The following TCF4 variants were observed in gnomAD, a reference collection of about 807,000 sequenced individuals.
TCF4 encodes SL3-3 enhancer factor 2.
A neutral mutation model predicts 82.1 loss-of-function variants in TCF4; 3 were observed. The observed-to-expected ratio is 0.04, with a 90% CI of 0.02 to 0.09. TCF4 has a LOEUF of 0.09. Ranked by LOEUF, TCF4 falls within the 10% of genes least tolerant of loss-of-function variation. TCF4 has a pLI of 1.00. For missense variants in TCF4, 518 were observed against 852.7 expected, an observed-to-expected ratio of 0.61 and a Z score of 4.89; for synonymous variants, 276 against 309.6, an observed-to-expected ratio of 0.89 and a Z score of 1.14.
At chr18:55,278,874 G>C (rs1389545070) in intron 9 of TCF4, among the ~76,000 whole-genome samples, 1 of 152,116 alleles carries the variant, frequency 6.6e-6, no homozygotes, top group Non-Finnish European at 1.5e-5. Flanking sequence ...GCCACATCTT[G>C]GTCTTTTTTG....
intron 3 of TCF4, among the ~76,000 whole-genome samples, chr18:55,569,766 C>T (rs950257828): frequency 2.6e-5 from 4 of 152,020 alleles, no homozygotes; most frequent in African/African-American, 9.7e-5. Context: ...AGATATCAGA[C>T]ACCTAAAACA....
At chr18:55,249,402 G>A (rs186238687) in intron 15 of TCF4, among the ~76,000 whole-genome samples, 1 of 152,152 alleles carries the variant, frequency 6.6e-6, no homozygotes, top group Admixed American at 6.5e-5. Flanking sequence ...TCTGAAATGG[G>A]TTCCACATCC....
intron 8 of TCF4, chr18:55,321,490 G>A (rs998807016): frequency 2.2e-6 from 2 of 910,022 alleles, no homozygotes; most frequent in South Asian, 1.6e-5. Flanking sequence ...AAAAAAAGAC[G>A]AAGGAGAAGA....
intron 2 of TCF4, among the ~76,000 whole-genome samples, chr18:55,630,695 A>G (rs1013908281): frequency 6.6e-6 from 1 of 152,224 alleles, no homozygotes. Flanking sequence ...TATAACCCCA[A>G]AGAGGAGGCT....
chr18:55,628,754 A>G (rs2148000521), intron 2 of TCF4, among the ~76,000 whole-genome samples: 1 of 152,352 alleles, frequency 6.6e-6, no homozygotes, highest in East Asian at 1.9e-4. Flanking sequence ...ATCAATTTCT[A>G]CAAAAGAACC....
chr18:55,561,977 G>A (rs2097358916), intron 3 of TCF4, among the ~76,000 whole-genome samples: 1 of 152,208 alleles, frequency 6.6e-6, no homozygotes, highest in Non-Finnish European at 1.5e-5. Flanking sequence ...ATGATGGAAA[G>A]GGCTAAGAGG....
At chr18:55,503,539 T>G (rs749380796) in intron 3 of TCF4, among the ~76,000 whole-genome samples, 20 of 152,198 alleles carry the variant, frequency 1.3e-4, no homozygotes, top group Non-Finnish European at 2.9e-4. Flanking sequence ...ACTGACAGCA[T>G]CCAGATCTCT....
chr18:55,556,965 T>A (rs2097309922), intron 3 of TCF4, among the ~76,000 whole-genome samples: 2 of 152,118 alleles, frequency 1.3e-5, no homozygotes. Context: ...ATTCCCAACT[T>A]TATGTAAGTC....
intron 6 of TCF4, among the ~76,000 whole-genome samples, chr18:55,388,000 T>C (rs2092742379): frequency 6.6e-6 from 1 of 152,242 alleles, no homozygotes; most frequent in Admixed American, 6.5e-5. Context: ...CTCTGAGCTT[T>C]AGTTTTCCAC....
intron 10 of TCF4, among the ~76,000 whole-genome samples, chr18:55,274,014 G>C (rs1601026188): frequency 6.6e-6 from 1 of 152,074 alleles, no homozygotes; most frequent in South Asian, 2.1e-4. Context: ...TGTCAAATGG[G>C]CAACTCTTAA....
chr18:55,348,806 G>C (rs1418550372), intron 8 of TCF4, among the ~76,000 whole-genome samples: 1 of 152,120 alleles, frequency 6.6e-6, no homozygotes, highest in African/African-American at 2.4e-5. Flanking sequence ...GGGTATGATA[G>C]CTTTAAGTTT....
chr18:55,421,623 C>T (rs746949527), intron 5 of TCF4, among the ~76,000 whole-genome samples: 80 of 152,322 alleles, frequency 5.3e-4, no homozygotes, highest in Middle Eastern at 3.4e-3. Flanking sequence ...AAGTACACTT[C>T]TATTTTCCCT....
At chr18:55,614,874 T>C (rs2097710330) in intron 2 of TCF4, among the ~76,000 whole-genome samples, 1 of 152,204 alleles carries the variant, frequency 6.6e-6, no homozygotes, top group South Asian at 2.1e-4. Context: ...TCTGTCAATT[T>C]AGCTTTTCCA....
At chr18:55,521,108 G>A (rs941279876) in intron 3 of TCF4, among the ~76,000 whole-genome samples, 2 of 152,118 alleles carry the variant, frequency 1.3e-5, no homozygotes, top group African/African-American at 2.4e-5. Context: ...TTCTGGAAGC[G>A]AGTTTATTTG....
intron 8 of TCF4, among the ~76,000 whole-genome samples, chr18:55,337,885 C>G (rs919051583): frequency 6.6e-6 from 1 of 152,124 alleles, no homozygotes; most frequent in South Asian, 2.1e-4. Flanking sequence ...TACATACACA[C>G]AAAGCTCCTG....
intron 3 of TCF4, among the ~76,000 whole-genome samples, chr18:55,573,753 C>A (rs908301384): frequency 1.3e-5 from 2 of 152,154 alleles, no homozygotes; most frequent in African/African-American, 2.4e-5. Context: ...AGGCCACACA[C>A]CTCTCAAATG....
At chr18:55,249,495 A>T (rs552582168) in intron 15 of TCF4, among the ~76,000 whole-genome samples, 25 of 152,274 alleles carry the variant, frequency 1.6e-4, no homozygotes, top group Admixed American at 1.6e-3. Flanking sequence ...CCCTAAGTCA[A>T]CTGGAGATGA....
At chr18:55,549,810 T>C (rs999890319) in intron 3 of TCF4, among the ~76,000 whole-genome samples, 9 of 152,202 alleles carry the variant, frequency 5.9e-5, no homozygotes, top group African/African-American at 2.2e-4. Flanking sequence ...AGCTCCATTA[T>C]AGTCTTATGG....
At chr18:55,307,359 G>A (rs976275377) in intron 8 of TCF4, among the ~76,000 whole-genome samples, 1 of 152,128 alleles carries the variant, frequency 6.6e-6, no homozygotes, top group Non-Finnish European at 1.5e-5. Context: ...TCAATGGTAC[G>A]CTGGCTTCTA....
Sources: gnomAD v4.1 joint callset for allele counts (sites outside exome capture counted in the v4.1 genomes callset) on GRCh38, gnomAD v4.1.1 for gene constraint, MANE v1.5 for transcripts, NCBI Gene and HGNC (gene_info 2026-07-23, HGNC 2026-07-21) for gene names.